Variants in ITGB3 observed in about 807,000 individuals in gnomAD.
The protein encoded by ITGB3 is integrin subunit beta 3, also known as integrin beta-3.
ITGB3 carries 48 observed loss-of-function variants against 85.8 expected under a neutral mutation model. The observed-to-expected ratio is 0.56, with a 90% CI of 0.44 to 0.71. The LOEUF is 0.71. Among genes scored for constraint, ITGB3 ranks in the 30% least tolerant of loss-of-function variants. The probability of loss-of-function intolerance (pLI) is 0.00; values close to 1 mark genes in which losing one functional copy is unlikely to be tolerated. For synonymous variants in ITGB3, 363 were observed against 395.6 expected (o/e 0.92, Z 0.98); for missense variants, 861 against 1,019.1 (o/e 0.84, Z 2.11).
intron 1 of ITGB3, among the ~76,000 whole-genome samples, chr17:47,261,419 T>G (rs2065008326): frequency 6.6e-6 from 1 of 151,908 alleles, no homozygotes; most frequent in Non-Finnish European, 1.5e-5. Flanking sequence ...CCACTGTTGA[T>G]AGTTACTGCA....
chr17:47,302,089 G>T (rs1009727675), intron 12 of ITGB3, among the ~76,000 whole-genome samples: 1 of 152,108 alleles, frequency 6.6e-6, no homozygotes, highest in Admixed American at 6.6e-5. Context: ...CTAGTGGAGG[G>T]TAACCCCTAG....
intron 6 of ITGB3, among the ~76,000 whole-genome samples, chr17:47,288,559 G>A (rs1799963374): frequency 6.6e-6 from 1 of 152,156 alleles, no homozygotes; most frequent in East Asian, 1.9e-4. Flanking sequence ...GTGTACCTGT[G>A]TAAAGGCAGG....
chr17:47,299,195 C>G lies in ITGB3; in HGVS notation c.1691-113C>G. 2 of 1,075,194 alleles carry G rather than the reference C, an allele frequency of 1.9e-6. No individual in the cohort carries two copies. Among genetic ancestry groups the G allele is most frequent in the African/African-American group, 1.5e-5 (1 of 64,730 alleles). The allele number at this position is 1,075,194 out of a possible 1,614,324, so 66.6% of individuals were successfully genotyped here. On this transcript the variant is annotated intron_variant, in intron 10 of 14. Transcript: ENST00000559488. The surrounding 1 kb of genome is among the most constrained non-coding windows in gnomAD (Gnocchi z 5.1). ...GGTGGTGAGCCAATTCCCTGCCAAC[C>G]TGGAGGATCATTATCTGTGTGGTTG...
intron 1 of ITGB3, among the ~76,000 whole-genome samples, chr17:47,254,606 C>G (rs2064981340): frequency 6.6e-6 from 1 of 152,170 alleles, no homozygotes; most frequent in Non-Finnish European, 1.5e-5. Context: ...GACCCTGCAC[C>G]CGAAAAATCT....
In ITGB3 at chr17:47,292,234, C is replaced by G; in HGVS notation, c.1356C>G (p.Ile452Met). Residue 452 changes from isoleucine to methionine, a missense_variant, in exon 10 of 15, where the codon ATC (isoleucine) becomes ATG (methionine). Coordinates refer to ENST00000559488, the MANE Select transcript of ITGB3 (RefSeq NM_000212.3). ...IKPVGFKDSL[I>M]VQVTFDCDCA... ...CCGTGGGCTTCAAGGACAGCCTGATCGTCCAGGTCACCTTTGATTGTGACT... is the reference window on the plus strand; with the variant it reads ...CCGTGGGCTTCAAGGACAGCCTGATGGTCCAGGTCACCTTTGATTGTGACT... The G allele has an allele frequency of 6.2e-7, 1 of 1,614,184 alleles. No homozygotes were observed.
chr17:47,309,725 CT>C (rs1428826040), intron 14 of ITGB3, among the ~76,000 whole-genome samples: 1 of 151,680 alleles, frequency 6.6e-6, no homozygotes, highest in Non-Finnish European at 1.5e-5. Context: ...GAAACCCCAT[CT>C]CTACAAAAAA....
At chr17:47,283,685 T>C in intron 3 of ITGB3, 136 bp downstream of exon 3, 1 of 818,528 alleles carries the variant, frequency 1.2e-6, no homozygotes, top group Non-Finnish European at 2.1e-6. Context: ...AGGGGGGAGG[T>C]GTGGGCAAGA....
chr17:47,286,251 C>T lies in ITGB3; in HGVS notation c.615-9C>T, dbSNP rs2065102101. On this transcript the variant is annotated splice_polypyrimidine_tract_variant and intron_variant, in intron 4 of 14. Coordinates refer to ENST00000559488, the MANE Select transcript of ITGB3 (RefSeq NM_000212.3). ...GTGTCTGCTTAAATTATCTCCCATC[C>T]CTCCCCAGTATGAAGACCACCTGCT... is the stretch of plus-strand genomic sequence containing the variant. 3 of 1,614,112 alleles carry T rather than the reference C, an allele frequency of 1.9e-6. No individual in the cohort carries two copies. The highest frequency in any genetic ancestry group is 1.7e-5 in the Admixed American group (1 of 60,020).
At chr17:47,270,476 G>C (rs552835633) in intron 1 of ITGB3, among the ~76,000 whole-genome samples, 23 of 152,348 alleles carry the variant, frequency 1.5e-4, no homozygotes, top group African/African-American at 5.3e-4. Context: ...AGATGGCCAG[G>C]CAGCTCATGC....
intron 2 of ITGB3, among the ~76,000 whole-genome samples, chr17:47,282,825 A>G (rs1270540159): frequency 6.6e-6 from 1 of 152,212 alleles, no homozygotes; most frequent in Non-Finnish European, 1.5e-5. Context: ...TCCTCCAACA[A>G]TATAAGAATT....
At chr17:47,257,964 TCCTCTAAAGCTCC>T (rs1484885080) in intron 1 of ITGB3, among the ~76,000 whole-genome samples, 2 of 152,152 alleles carry the variant, frequency 1.3e-5, no homozygotes, top group East Asian at 3.8e-4. Flanking sequence ...TCGAAATTTC[TCCTCTAAAGCTCC>T]CCACCCTACT....
At chr17:47,304,276 G>A (rs1454145004) in intron 13 of ITGB3, among the ~76,000 whole-genome samples, 1 of 152,218 alleles carries the variant, frequency 6.6e-6, no homozygotes, top group African/African-American at 2.4e-5. Context: ...CTGGCTTTGA[G>A]TAGAATGTTG....
intron 10 of ITGB3, among the ~76,000 whole-genome samples, chr17:47,295,749 G>A (rs572248458): frequency 7.2e-6 from 1 of 138,296 alleles, no homozygotes; most frequent in East Asian, 2.6e-4. Context: ...GTGGCCAAAT[G>A]CAGGGTGTAG....
At chr17:47,260,766 C>T (rs1345426409) in intron 1 of ITGB3, among the ~76,000 whole-genome samples, 1 of 151,514 alleles carries the variant, frequency 6.6e-6, no homozygotes, top group Non-Finnish European at 1.5e-5. Flanking sequence ...TTCTTGAAGG[C>T]TGTGAGAGTG....
In ITGB3 at chr17:47,283,538, G is replaced by A. The variant is rs746952064; in HGVS notation, c.350G>A (p.Arg117Gln). The A allele has an allele frequency of 7.4e-6, 12 of 1,614,088 alleles. No homozygotes were observed. The highest frequency in any genetic ancestry group is 4.5e-5 in the East Asian group (2 of 44,902). The change falls in exon 3 of 15, where the codon CGG (arginine) becomes CAG (glutamine). Residue 117 changes from arginine (R) to glutamine (Q), a missense_variant. Arg to Gln is a conservative substitution (Grantham distance 43). Coordinates refer to ENST00000559488, the MANE Select transcript of ITGB3 (RefSeq NM_000212.3). ...GTCAGTCCCCAGAGGATTGCACTCCGGCTCCGGCCAGGTAGGGCTGGGACT... is the reference window on the plus strand; with the variant it reads ...GTCAGTCCCCAGAGGATTGCACTCCAGCTCCGGCCAGGTAGGGCTGGGACT... ...TQVSPQRIAL[R>Q]LRPDDSKNFS...
Position 47,290,176 on chromosome 17 carries a change from C to T in ITGB3, c.1036-9C>T, listed in dbSNP as rs1474207676. The T allele has an allele frequency of 6.2e-7, 1 of 1,611,648 alleles. No individual in the cohort carries two copies. The highest frequency in any genetic ancestry group is 2.2e-5 in the East Asian group (1 of 44,874). On this transcript the variant is annotated splice_polypyrimidine_tract_variant and intron_variant, in intron 7 of 14. Coordinates refer to ENST00000559488, the MANE Select transcript of ITGB3 (RefSeq NM_000212.3). Reference sequence around the variant, plus strand: ...GGTAAGCTCTGGACATCTTTGTTTTCCTTTCTAGAACTATAGTGAGCTCAT... The same window carrying T: ...GGTAAGCTCTGGACATCTTTGTTTTTCTTTCTAGAACTATAGTGAGCTCAT...
At chr17:47,284,909 A>C (rs1256037607) in intron 4 of ITGB3, among the ~76,000 whole-genome samples, 1 of 152,204 alleles carries the variant, frequency 6.6e-6, no homozygotes, top group Non-Finnish European at 1.5e-5. Context: ...AGAACCTAGA[A>C]AGAAAATTCA....
intron 6 of ITGB3, among the ~76,000 whole-genome samples, chr17:47,288,389 A>G (rs977373228): frequency 2.0e-5 from 3 of 152,258 alleles, no homozygotes; most frequent in Admixed American, 6.5e-5. Context: ...TTATATGGCC[A>G]TAGAAGGTTA....
intron 9 of ITGB3, chr17:47,291,413 G>T (rs1453169549): frequency 3.7e-6 from 2 of 539,280 alleles, no homozygotes; most frequent in Non-Finnish European, 6.5e-6. Context: ...CTCACCAGTC[G>T]CCAGCCTTTC....
Sources: allele counts gnomAD v4.1 joint callset (sites outside exome capture counted in the v4.1 genomes callset), GRCh38; gene constraint gnomAD v4.1.1; non-coding constraint Gnocchi (gnomAD v3.1); transcripts MANE v1.5; gene names NCBI Gene and HGNC (gene_info 2026-07-23, HGNC 2026-07-21).